SIAE: variants seen among roughly 807,000 people sequenced by gnomAD.
SIAE encodes the protein sialic acid acetylesterase.
SIAE carries 39 observed loss-of-function variants against 52.6 expected under a neutral mutation model. The observed-to-expected ratio is 0.74, with a 90% CI of 0.57 to 0.97. The LOEUF (loss-of-function observed/expected upper bound fraction) is 0.97. SIAE is among the 50% of genes least tolerant of loss of function. The pLI, the probability that SIAE is intolerant of heterozygous loss-of-function variation, is 0.00. For synonymous variants in SIAE, 233 were observed against 241.4 expected, an observed-to-expected ratio of 0.97 and a Z score of 0.32; for missense variants, 592 against 662.1, an observed-to-expected ratio of 0.89 and a Z score of 1.16.
chr11:124,660,794 T>G lies in SIAE; in HGVS notation c.239A>C (p.Asp80Ala). Residue 80 changes from aspartate to alanine, a missense_variant, in exon 3 of 10, where the codon GAT (aspartate) becomes GCT (alanine). Physicochemically the swap from Asp to Ala is moderately radical, Grantham distance 126 (BLOSUM62 -2). Coordinates refer to ENST00000263593, the MANE Select transcript of SIAE (RefSeq NM_170601.5). The stretch of plus-strand genomic sequence containing the variant: ...AGGATCCAGTACCACCATCCACGTA[T>G]CAGAGTGAGCTGAAATAGTAACAGG... ...KKVTSVKAHSDTWMVVLDPMK... is the reference protein window; with the variant it reads ...KKVTSVKAHSATWMVVLDPMK... The G allele has an allele frequency of 6.2e-7, 1 of 1,614,150 alleles. No individual in the cohort carries two copies. Among genetic ancestry groups the G allele is most frequent in the Non-Finnish European group, 8.5e-7 (1 of 1,180,008 alleles).
At position 124,654,585 on chromosome 11, in the gene SIAE, C is replaced by T. The variant is rs1349681797; in HGVS notation, c.544+70G>A. ...TAAATAGACACATAAGAACCAAATT[C>T]AGTCTTACAGATTCCACTTAGGGCG... On this transcript the variant is annotated intron_variant, in intron 4 of 9. Coordinates refer to ENST00000263593, the MANE Select transcript of SIAE (RefSeq NM_170601.5). 3 of 1,612,950 alleles carry T rather than the reference C, an allele frequency of 1.9e-6. No homozygotes were observed. The African/African-American group carries it at 4.0e-5, about 22-fold the overall frequency.
intron 2 of SIAE, among the ~76,000 whole-genome samples, chr11:124,666,301 TC>T (rs1294764446): frequency 1.3e-5 from 2 of 151,810 alleles, no homozygotes; most frequent in East Asian, 3.9e-4. Context: ...AATCTCAGAG[TC>T]CTCATTAAAA....
chr11:124,667,214 A>G (rs569094168), intron 2 of SIAE, among the ~76,000 whole-genome samples: 1 of 152,306 alleles, frequency 6.6e-6, no homozygotes, highest in African/African-American at 2.4e-5. Flanking sequence ...TTTGTACACA[A>G]TGCTCCTTAT....
intron 3 of SIAE, 21 bp downstream of exon 3, chr11:124,660,607 T>C (rs1202669765): frequency 3.1e-6 from 5 of 1,613,486 alleles, no homozygotes; most frequent in Non-Finnish European, 4.2e-6. Context: ...TGTGTATTAT[T>C]GCTGAGACTC....
At chr11:124,646,407 A>C (rs1485124995) in intron 7 of SIAE, among the ~76,000 whole-genome samples, 1 of 152,202 alleles carries the variant, frequency 6.6e-6, no homozygotes, top group Admixed American at 6.5e-5. Context: ...GGGGGCATCT[A>C]ACTAATCTGG....
At chr11:124,638,791 C>T (rs1942795234) in intron 8 of SIAE, 54 bp from the exon 9 acceptor site, 2 of 1,434,528 alleles carry the variant, frequency 1.4e-6, no homozygotes, top group South Asian at 1.2e-5. Flanking sequence ...ACAATCACCA[C>T]ATTTTTTTAA....
At position 124,660,626 on chromosome 11, in the gene SIAE, A is replaced by G; in HGVS notation, c.405+2T>C. 6.2e-7 allele frequency: 1 copy of G among 1,614,000 alleles called. No individual in the cohort carries two copies. The highest frequency in any genetic ancestry group is 8.5e-7 in the Non-Finnish European group (1 of 1,179,932). On this transcript the variant is annotated splice_donor_variant, in intron 3 of 9. Coordinates refer to ENST00000263593, the MANE Select transcript of SIAE (RefSeq NM_170601.5). LOFTEE classifies it high-confidence loss of function. ...TATTATTGCTGAGACTCTGCAAATTACCTGTAACACAGTCATCTGCATGTT... is the reference window on the plus strand; with the variant it reads ...TATTATTGCTGAGACTCTGCAAATTGCCTGTAACACAGTCATCTGCATGTT...
rs147638217 is a variant in SIAE at position 124,660,748 on chromosome 11, G to T, written c.285C>A (p.Phe95Leu). 6.2e-7 allele frequency: 1 copy of T among 1,614,162 alleles called. No homozygotes were observed. Among genetic ancestry groups the T allele is most frequent in the Non-Finnish European group, 8.5e-7 (1 of 1,180,030 alleles). ...VLDPMKPGGP[F>L]EVMAQQTLEK... The stretch of plus-strand genomic sequence containing the variant: ...CCAAAGTCTGTTGTGCCATCACTTC[G>T]AAAGGTCCTCCAGGCTTCATAGGAT... Residue 95 changes from phenylalanine (F) to leucine (L), a missense_variant, in exon 3 of 10, where the codon TTC becomes TTA. Transcript: ENST00000263593.
At chr11:124,653,688 T>A (rs1943050822) in intron 4 of SIAE, among the ~76,000 whole-genome samples, 2 of 152,102 alleles carry the variant, frequency 1.3e-5, no homozygotes, top group African/African-American at 4.8e-5. Flanking sequence ...ACAGAAGACG[T>A]TCTAGAAAGG....
At chr11:124,656,240 T>A (rs970507927) in intron 3 of SIAE, among the ~76,000 whole-genome samples, 5 of 152,254 alleles carry the variant, frequency 3.3e-5, no homozygotes, top group Non-Finnish European at 7.3e-5. Flanking sequence ...GTATTATTTA[T>A]TGTTGTATTG....
Position 124,634,657 on chromosome 11 carries a change from C to T in SIAE, c.*2294G>A, listed in dbSNP as rs1942683050. ...TTAATAGTAGAAAATTGTTAAAAAT[C>T]TATATGTCCATTAATAGGAAATTGG... On this transcript the variant is annotated 3_prime_UTR_variant, in exon 10 of 10. Transcript: ENST00000263593. 6.6e-6 allele frequency: 1 copy of T among 152,086 alleles called. No individual in the cohort carries two copies. The highest frequency in any genetic ancestry group is 1.5e-5 in the Non-Finnish European group (1 of 68,018). 9.4% of individuals were successfully genotyped at this position (152,086 alleles called of 1,614,324 possible). A position where few individuals can be genotyped will look rare whatever the true frequency, so the allele number is the denominator to read the frequency against.
In SIAE at chr11:124,639,871, G is replaced by A; in HGVS notation, c.967-4C>T. ...TCTTAGACAAATCTGAAGATAACTA[G>A]AAAGCAGAGACATTGCTAATTTTAT... On this transcript the variant is annotated splice_polypyrimidine_tract_variant and splice_region_variant and intron_variant, in intron 7 of 9. Transcript: ENST00000263593. 6.2e-7 allele frequency: 1 copy of A among 1,613,980 alleles called. No individual in the cohort carries two copies. Among genetic ancestry groups the A allele is most frequent in the Non-Finnish European group, 8.5e-7 (1 of 1,180,024 alleles).
At position 124,654,509 on chromosome 11, in the gene SIAE, T is replaced by C. The variant is rs1303692150; in HGVS notation, c.544+146A>G. 10 of 1,575,486 alleles carry C rather than the reference T, an allele frequency of 6.3e-6. No homozygotes were observed. In the East Asian group the frequency reaches 1.8e-4, roughly 28 times the overall value. ...GGGAAGAAACCTGAAATAGTCACCA[T>C]CAGGAAGGATGAAGAGTCAATAAGA... is the stretch of plus-strand genomic sequence containing the variant. On this transcript the variant is annotated intron_variant, in intron 4 of 9. Coordinates refer to ENST00000263593, the MANE Select transcript of SIAE (RefSeq NM_170601.5).
Position 124,673,705 on chromosome 11 carries a change from C to T in SIAE, c.4G>A (p.Val2Ile). ...AGCCCGAGTACAAGCCCCGGCGCGA[C>T]CATGCTTGCAAGGATCTGACCGCCG... The part of the protein sequence containing the change: M[V>I]APGLVLGLVL... The change falls in exon 1 of 10, where the codon GTC (valine) becomes ATC (isoleucine). Residue 2 changes from valine (V) to isoleucine (I), a missense_variant. By Grantham distance (29) the Val-to-Ile change is conservative (BLOSUM62 3). Coordinates refer to ENST00000263593, the MANE Select transcript of SIAE (RefSeq NM_170601.5). The T allele has an allele frequency of 1.2e-6, 2 of 1,613,528 alleles. No homozygotes were observed. The highest frequency in any genetic ancestry group is 8.5e-7 in the Non-Finnish European group (1 of 1,179,772).
At chr11:124,663,616 T>C (rs558423632) in intron 2 of SIAE, among the ~76,000 whole-genome samples, 5 of 152,324 alleles carry the variant, frequency 3.3e-5, no homozygotes, top group Admixed American at 3.3e-4. Flanking sequence ...TACTCCTATG[T>C]AAGCATATAC....
At chr11:124,651,361 C>T (rs535926049) in intron 4 of SIAE, among the ~76,000 whole-genome samples, 40 of 152,126 alleles carry the variant, frequency 2.6e-4, no homozygotes, top group African/African-American at 8.2e-4. Flanking sequence ...GCCTGACCAA[C>T]GTGGTGAAAC....
At chr11:124,642,804 G>A (rs938066416) in intron 7 of SIAE, among the ~76,000 whole-genome samples, 1 of 152,208 alleles carries the variant, frequency 6.6e-6, no homozygotes, top group Admixed American at 6.5e-5. Context: ...TGATCAAAAG[G>A]GAGAGTATCA....
Position 124,673,685 on chromosome 11 carries a change from G to C in SIAE, c.24C>G (p.Leu8=). The change falls in exon 1 of 10, where the codon CTC becomes CTG. Residue 8 remains leucine (L), a synonymous_variant. Transcript: ENST00000263593. MVAPGLV[L]GLVLPLILWA... ...ACAGGATTAATGGCAGCACCAGCCCGAGTACAAGCCCCGGCGCGACCATGC... is the reference window on the plus strand; with the variant it reads ...ACAGGATTAATGGCAGCACCAGCCCCAGTACAAGCCCCGGCGCGACCATGC... The C allele has an allele frequency of 6.2e-7, 1 of 1,613,618 alleles. No individual in the cohort carries two copies. Among genetic ancestry groups the C allele is most frequent in the Non-Finnish European group, 8.5e-7 (1 of 1,179,816 alleles).
Position 124,649,780 on chromosome 11 carries a change from T to TCCATGG in SIAE, c.555_560dup (p.His186_Gly187dup). On this transcript the variant is annotated inframe_insertion, in exon 5 of 10. Coordinates refer to ENST00000263593, the MANE Select transcript of SIAE (RefSeq NM_170601.5). ...ACACTGCTGACATGTACTTGAAATA[T>TCCATGG]CCATGGCCTAAGTTTTCTGTTCAGA... 1.2e-6 allele frequency: 2 copies of TCCATGG among 1,614,178 alleles called. No individual in the cohort carries two copies. The highest frequency in any genetic ancestry group is 1.7e-6 in the Non-Finnish European group (2 of 1,180,006).
Sources: gnomAD v4.1 joint callset for allele counts (sites outside exome capture counted in the v4.1 genomes callset) on GRCh38, gnomAD v4.1.1 for gene constraint, MANE v1.5 for transcripts, NCBI Gene and HGNC (gene_info 2026-07-23, HGNC 2026-07-21) for gene names.